The following NAA11 variants were observed in gnomAD, a reference collection of about 807,000 sequenced individuals.
NAA11 encodes N-alpha-acetyltransferase 11, NatA catalytic subunit.
NAA11 carries 15 observed loss-of-function variants against 16.1 expected under a neutral mutation model. The ratio of observed to expected loss-of-function variants is 0.93; its 90% CI spans 0.62 to 1.44. The LOEUF (loss-of-function observed/expected upper bound fraction) is 1.44, where lower values mean the gene tolerates loss of function less well. NAA11 is among the 40% of genes most tolerant of loss of function. The pLI is 0.00. For missense variants in NAA11, 298 were observed against 291.3 expected, an observed-to-expected ratio of 1.02 and a Z score of -0.17; for synonymous variants, 122 against 112.4, an observed-to-expected ratio of 1.09 and a Z score of -0.54.
chr4:79,280,148 G>A (rs747323619), intron 2 of NAA11, among the ~76,000 whole-genome samples: 2 of 152,122 alleles, frequency 1.3e-5, no homozygotes, highest in Non-Finnish European at 2.9e-5. Context: ...GTTAAGTGCT[G>A]AATGTCAGGT....
At chr4:79,324,274 A>C (rs1724189069) in intron 1 of NAA11, among the ~76,000 whole-genome samples, 1 of 152,208 alleles carries the variant, frequency 6.6e-6, no homozygotes, top group Non-Finnish European at 1.5e-5. Context: ...CTTTCTAAAC[A>C]TAATACAATA....
intron 1 of NAA11, among the ~76,000 whole-genome samples, chr4:79,321,700 A>G (rs1370459877): frequency 6.6e-6 from 1 of 152,250 alleles, no homozygotes; most frequent in Non-Finnish European, 1.5e-5. Flanking sequence ...AGGTATTTTC[A>G]TATCACATTA....
chr4:79,159,119 G>C, the NAA11 span, among the ~76,000 whole-genome samples: 1 of 152,226 alleles, frequency 6.6e-6, no homozygotes, highest in African/African-American at 2.4e-5. Flanking sequence ...CTTCTGCACT[G>C]CAAAAGGAAC....
chr4:79,237,697 T>G (rs1294150794), intron 2 of NAA11, among the ~76,000 whole-genome samples: 1 of 152,196 alleles, frequency 6.6e-6, no homozygotes, highest in Non-Finnish European at 1.5e-5. Context: ...TATTGATTAG[T>G]GCAGAAACTT....
downstream of NAA11, among the ~76,000 whole-genome samples, chr4:79,314,210 A>G (rs1291071574): frequency 6.6e-6 from 1 of 152,188 alleles, no homozygotes; most frequent in Admixed American, 6.5e-5. Context: ...TTTTTACAGA[A>G]AGTTGAGCAG....
chr4:79,165,386 G>A, the NAA11 span, among the ~76,000 whole-genome samples: 5 of 152,276 alleles, frequency 3.3e-5, no homozygotes, highest in African/African-American at 1.2e-4. Context: ...CTTGGGAAAT[G>A]GTTCCCCAAA....
the NAA11 span, among the ~76,000 whole-genome samples, chr4:79,193,331 T>G: frequency 1.3e-5 from 2 of 152,196 alleles, no homozygotes; most frequent in Admixed American, 1.3e-4. Context: ...TTGCCTAGGT[T>G]TTCTTCTAGG....
the NAA11 span, among the ~76,000 whole-genome samples, chr4:79,170,916 T>C: frequency 9.3e-6 from 1 of 108,080 alleles, no homozygotes; most frequent in South Asian, 4.2e-4. Context: ...TTAAATGTTA[T>C]AGCATTCACA....
At chr4:79,265,440 A>G (rs1473560544) in intron 2 of NAA11, among the ~76,000 whole-genome samples, 11 of 152,128 alleles carry the variant, frequency 7.2e-5, no homozygotes, top group Admixed American at 7.2e-4. Flanking sequence ...TAAAACTTCA[A>G]ATTATTACAC....
At chr4:79,179,285 G>A in the NAA11 span, among the ~76,000 whole-genome samples, 14 of 152,148 alleles carry the variant, frequency 9.2e-5, no homozygotes, top group East Asian at 5.8e-4. Context: ...AAGAGAGAGC[G>A]GAAATTCTAC....
downstream of NAA11, among the ~76,000 whole-genome samples, chr4:79,316,501 GACTT>G (rs934959756): frequency 1.3e-5 from 2 of 152,150 alleles, no homozygotes; most frequent in Non-Finnish European, 2.9e-5. Flanking sequence ...ACACAGAAAA[GACTT>G]ACCTCTTGTC....
At chr4:79,179,232 T>A in the NAA11 span, among the ~76,000 whole-genome samples, 3 of 152,184 alleles carry the variant, frequency 2.0e-5, no homozygotes, top group African/African-American at 7.2e-5. Flanking sequence ...TGCTTTAGAG[T>A]CAATTTTGGT....
intron 2 of NAA11, among the ~76,000 whole-genome samples, chr4:79,243,860 T>G (rs1014913825): frequency 1.3e-5 from 2 of 152,202 alleles, no homozygotes; most frequent in African/African-American, 4.8e-5. Context: ...AAAAGGGCCT[T>G]TAACCTCGAT....
At chr4:79,189,154 A>AAAAAAAAAAAAAAAAAAC in the NAA11 span, among the ~76,000 whole-genome samples, 3 of 147,196 alleles carry the variant, frequency 2.0e-5, 1 homozygote, top group Non-Finnish European at 4.5e-5. Flanking sequence ...TCAAAAAAAA[A>AAAAAAAAAAAAAAAAAAC]AAAAAAAAAA....
chr4:79,210,803 G>T, the NAA11 span, among the ~76,000 whole-genome samples: 1 of 152,170 alleles, frequency 6.6e-6, no homozygotes, highest in Non-Finnish European at 1.5e-5. Flanking sequence ...TCTGGAGGCA[G>T]ATATACTGCA....
intron 2 of NAA11, among the ~76,000 whole-genome samples, chr4:79,251,468 C>G (rs112572400): frequency 0.11 from 16,736 of 152,016 alleles, 1,145 homozygotes; most frequent in African/African-American, 0.18. Flanking sequence ...ACACTGGGGC[C>G]TACTTGAGAG....
intron 2 of NAA11, among the ~76,000 whole-genome samples, chr4:79,253,256 T>C (rs1040736894): frequency 4.6e-5 from 7 of 152,204 alleles, no homozygotes; most frequent in African/African-American, 1.7e-4. Context: ...GTGTTACACT[T>C]AGATGCCTCT....
At chr4:79,325,029 T>G (rs1262132100) in intron 1 of NAA11, 147 bp downstream of exon 1, 1 of 657,498 alleles carries the variant, frequency 1.5e-6, no homozygotes, top group African/African-American at 1.8e-5. Context: ...CTCAACTCAC[T>G]CTAACTTCTC....
At chr4:79,194,684 T>C in the NAA11 span, among the ~76,000 whole-genome samples, 1 of 152,106 alleles carries the variant, frequency 6.6e-6, no homozygotes, top group African/African-American at 2.4e-5. Context: ...CTTAAGCAGG[T>C]AAGGAGTTTG....
Sources: allele counts gnomAD v4.1 joint callset (sites outside exome capture counted in the v4.1 genomes callset), GRCh38; gene constraint gnomAD v4.1.1; transcripts MANE v1.5; gene names NCBI Gene and HGNC (gene_info 2026-07-23, HGNC 2026-07-21).